NR3C2: variants seen among roughly 807,000 people sequenced by gnomAD.
NR3C2 encodes the protein mineralocorticoid receptor.
Under a neutral mutation model 86.4 loss-of-function variants are expected in NR3C2, and 15 were observed. That is an observed-to-expected ratio of 0.17 (90% CI 0.12 to 0.27). The LOEUF (loss-of-function observed/expected upper bound fraction) is 0.27, where lower values mean the gene tolerates loss of function less well. NR3C2 is among the 10% of genes least tolerant of loss of function. NR3C2 has a pLI of 1.00. For synonymous variants in NR3C2, 458 were observed against 450.5 expected (o/e 1.02, Z -0.21); for missense variants, 960 against 1,195.6 (o/e 0.80, Z 2.91).
intron 2 of NR3C2, among the ~76,000 whole-genome samples, chr4:148,362,516 C>G (rs568127657): frequency 3.3e-5 from 5 of 151,956 alleles, no homozygotes; most frequent in Non-Finnish European, 7.4e-5. Flanking sequence ...GAAGTCTGAG[C>G]CTTTACCTTC....
At chr4:148,175,597 T>C (rs1229361452) in intron 4 of NR3C2, among the ~76,000 whole-genome samples, 1 of 152,238 alleles carries the variant, frequency 6.6e-6, no homozygotes, top group Non-Finnish European at 1.5e-5. Context: ...AGTTTTTGCT[T>C]TAAAAATATA....
chr4:148,252,840 C>A (rs952308759), intron 3 of NR3C2, among the ~76,000 whole-genome samples: 4 of 152,002 alleles, frequency 2.6e-5, no homozygotes, highest in Non-Finnish European at 1.5e-5. Context: ...ACTTAAATTT[C>A]ATTTTGACTC....
At chr4:148,100,617 T>G (rs573951780) in intron 8 of NR3C2, among the ~76,000 whole-genome samples, 2 of 152,230 alleles carry the variant, frequency 1.3e-5, no homozygotes, top group African/African-American at 4.8e-5. Context: ...TGTTCACTGT[T>G]GTTAGCAATG....
intron 3 of NR3C2, among the ~76,000 whole-genome samples, chr4:148,220,716 A>T (rs150685496): frequency 1.3e-5 from 2 of 152,194 alleles, no homozygotes; most frequent in African/African-American, 2.4e-5. Context: ...GGATGGCTTG[A>T]GCCCAGGAGG....
intron 6 of NR3C2, among the ~76,000 whole-genome samples, chr4:148,126,868 TAAGGA>T (rs1171603211): frequency 3.9e-5 from 6 of 152,210 alleles, no homozygotes; most frequent in Non-Finnish European, 8.8e-5. Flanking sequence ...ATATTCATGA[TAAGGA>T]ATTTTAGGTA....
chr4:148,094,380 C>T lies in NR3C2; in HGVS notation c.2800-12881G>A, dbSNP rs182603374. Reference sequence around the variant, plus strand: ...CACCATTCCACTTCTGGGCATATACCCAAAAGAACTGAAAGCAAGTGCTCA... The same window carrying T: ...CACCATTCCACTTCTGGGCATATACTCAAAAGAACTGAAAGCAAGTGCTCA... On this transcript the variant is annotated intron_variant, in intron 8 of 8. Coordinates refer to ENST00000358102, the MANE Select transcript of NR3C2 (RefSeq NM_000901.5). 8.4e-4 allele frequency among the ~76,000 whole-genome samples: 128 copies of T among 152,190 alleles called. 2 individuals are homozygous for T. The East Asian group carries it at 0.016, about 19-fold the overall frequency.
intron 2 of NR3C2, among the ~76,000 whole-genome samples, chr4:148,351,847 A>T (rs766648256): frequency 4.6e-5 from 7 of 152,168 alleles, no homozygotes; most frequent in Non-Finnish European, 1.0e-4. Flanking sequence ...TGTAGGTGGT[A>T]TTACTGCCTC....
At chr4:148,265,655 T>G (rs1008191997) in intron 2 of NR3C2, among the ~76,000 whole-genome samples, 1 of 152,350 alleles carries the variant, frequency 6.6e-6, no homozygotes, top group South Asian at 2.1e-4. Flanking sequence ...AGATAAAAGC[T>G]TCTACCACCA....
intron 2 of NR3C2, among the ~76,000 whole-genome samples, chr4:148,406,217 C>T (rs1748417413): frequency 6.6e-6 from 1 of 152,008 alleles, no homozygotes; most frequent in Admixed American, 6.5e-5. Context: ...ACAGCACTGT[C>T]TTCATGAGGC....
chr4:148,339,674 A>C (rs975113843), intron 2 of NR3C2, among the ~76,000 whole-genome samples: 15 of 152,200 alleles, frequency 9.9e-5, no homozygotes, highest in African/African-American at 3.1e-4. Context: ...AGAGAGGAAA[A>C]AAAAGTCCTT....
chr4:148,397,389 G>A (rs1747914732), intron 2 of NR3C2, among the ~76,000 whole-genome samples: 1 of 152,176 alleles, frequency 6.6e-6, no homozygotes, highest in African/African-American at 2.4e-5. Flanking sequence ...CAGAGTCCTG[G>A]GTTTTAATTC....
At chr4:148,437,626 C>A (rs1242126608) in intron 1 of NR3C2, among the ~76,000 whole-genome samples, 1 of 152,202 alleles carries the variant, frequency 6.6e-6, no homozygotes, top group East Asian at 1.9e-4. Context: ...TGACATGCAC[C>A]CTGACCTGTG....
intron 4 of NR3C2, 95 bp downstream of exon 4, chr4:148,194,651 T>C: frequency 6.2e-6 from 5 of 807,598 alleles, no homozygotes; most frequent in Non-Finnish European, 4.3e-6. Context: ...CTTTGCTCCC[T>C]GTTGGCTTCG....
At chr4:148,262,127 T>C (rs61760300) in intron 2 of NR3C2, among the ~76,000 whole-genome samples, 2 of 152,206 alleles carry the variant, frequency 1.3e-5, no homozygotes, top group Non-Finnish European at 2.9e-5. Context: ...CACAAGAAAA[T>C]GCCACGGTTT....
intron 3 of NR3C2, among the ~76,000 whole-genome samples, chr4:148,245,354 G>A (rs748807352): frequency 1.3e-5 from 2 of 152,140 alleles, no homozygotes; most frequent in Non-Finnish European, 2.9e-5. Context: ...CTAGGGCCAG[G>A]AGTGTCACAT....
intron 4 of NR3C2, among the ~76,000 whole-genome samples, chr4:148,155,979 T>G (rs1353759053): frequency 3.3e-5 from 5 of 152,148 alleles, no homozygotes; most frequent in Non-Finnish European, 5.9e-5. Context: ...CTATCTGATC[T>G]TTGACAAACC....
At chr4:148,176,506 C>A (rs1361203685) in intron 4 of NR3C2, among the ~76,000 whole-genome samples, 1 of 152,170 alleles carries the variant, frequency 6.6e-6, no homozygotes, top group Admixed American at 6.5e-5. Flanking sequence ...TGAAGCCATC[C>A]TGAGATGCCT....
chr4:148,140,363 T>C (rs1052814405), intron 6 of NR3C2, among the ~76,000 whole-genome samples: 1 of 152,092 alleles, frequency 6.6e-6, no homozygotes, highest in Non-Finnish European at 1.5e-5. Flanking sequence ...AGTGAAGCCC[T>C]GTCTCTAAAA....
intron 3 of NR3C2, among the ~76,000 whole-genome samples, chr4:148,257,492 A>G (rs1739890804): frequency 6.6e-6 from 1 of 152,190 alleles, no homozygotes; most frequent in African/African-American, 2.4e-5. Flanking sequence ...CTATGACTTG[A>G]GTAAGGGTCT....
Sources: gnomAD v4.1 joint callset for allele counts (sites outside exome capture counted in the v4.1 genomes callset) on GRCh38, gnomAD v4.1.1 for gene constraint, MANE v1.5 for transcripts, NCBI Gene and HGNC (gene_info 2026-07-23, HGNC 2026-07-21) for gene names.